UBAC2: variants seen among roughly 807,000 people sequenced by gnomAD.
UBAC2 encodes ubiquitin-associated domain-containing protein 2.
In UBAC2, 26 loss-of-function variants were observed where a neutral mutation model predicts 44.0. The ratio of observed to expected loss-of-function variants is 0.59; its 90% CI spans 0.43 to 0.82. UBAC2 has a LOEUF of 0.82. Among genes scored for constraint, UBAC2 ranks in the 40% least tolerant of loss-of-function variants. UBAC2 has a pLI of 0.00. For synonymous variants in UBAC2, 155 were observed against 154.3 expected, an observed-to-expected ratio of 1.00 and a Z score of -0.04; for missense variants, 329 against 419.4, an observed-to-expected ratio of 0.78 and a Z score of 1.88.
At chr13:99,201,218 A>G in intron 1 of UBAC2, 3 of 1,426,656 alleles carry the variant, frequency 2.1e-6, no homozygotes, top group East Asian at 2.5e-5. Flanking sequence ...GGGCCGCTGC[A>G]AGTGGGCAGG....
chr13:99,380,252 G>C (rs986955106), intron 8 of UBAC2, among the ~76,000 whole-genome samples: 2 of 152,164 alleles, frequency 1.3e-5, no homozygotes, highest in African/African-American at 4.8e-5. Context: ...TTGCTTACCT[G>C]ACTGCACGTC....
intron 7 of UBAC2, among the ~76,000 whole-genome samples, chr13:99,361,747 A>T (rs570160725): frequency 2.3e-4 from 35 of 152,248 alleles, no homozygotes; most frequent in African/African-American, 8.4e-4. Context: ...CCTCCTTCAC[A>T]TAACAACCAA....
Position 99,215,662 on chromosome 13 carries a change from T to C in UBAC2, c.31+14723T>C, listed in dbSNP as rs931378109. On this transcript the variant is annotated intron_variant, in intron 1 of 8. Transcript: ENST00000403766. The stretch of plus-strand genomic sequence containing the variant: ...GTCCTAGATTTCAGGTGTTGATGAA[T>C]ACAGCCCTCTGGGAACTGCAAGCCG... 2.8e-6 allele frequency: 4 copies of C among 1,440,684 alleles called. No individual in the cohort carries two copies. In the African/African-American group the frequency reaches 5.6e-5, roughly 20 times the overall value. The allele number at this position is 1,440,684 out of a possible 1,614,324, so 89.2% of individuals were successfully genotyped here. A position where few individuals can be genotyped will look rare whatever the true frequency, so the allele number is the denominator to read the frequency against.
At chr13:99,357,444 A>G (rs2045203674) in intron 7 of UBAC2, among the ~76,000 whole-genome samples, 1 of 152,232 alleles carries the variant, frequency 6.6e-6, no homozygotes, top group Non-Finnish European at 1.5e-5. Context: ...AACTCTTTTC[A>G]GGGCCATAGG....
chr13:99,277,907 A>G (rs567821864), intron 4 of UBAC2, among the ~76,000 whole-genome samples: 4 of 152,142 alleles, frequency 2.6e-5, no homozygotes, highest in Non-Finnish European at 5.9e-5. Context: ...CATCTGTAGG[A>G]ACATAACGTT....
chr13:99,311,057 G>A (rs986824266), intron 4 of UBAC2, among the ~76,000 whole-genome samples: 1 of 152,140 alleles, frequency 6.6e-6, no homozygotes, highest in Non-Finnish European at 1.5e-5. Flanking sequence ...TCTGCTGTAT[G>A]GTTTTACTGT....
intron 1 of UBAC2, among the ~76,000 whole-genome samples, chr13:99,232,399 G>GAGATATATATATATATATATATATATAT (rs1367302629): frequency 4.1e-4 from 45 of 109,962 alleles, no homozygotes; most frequent in East Asian, 2.4e-3. Flanking sequence ...TTAGTTGAGA[G>GAGATATATATATATATATATATATATAT]ATATAGATAT....
At chr13:99,272,038 C>T (rs2043822264) in intron 4 of UBAC2, among the ~76,000 whole-genome samples, 1 of 152,162 alleles carries the variant, frequency 6.6e-6, no homozygotes, top group South Asian at 2.1e-4. Flanking sequence ...GTTGTTTCAG[C>T]AGACTATAAA....
intron 4 of UBAC2, among the ~76,000 whole-genome samples, chr13:99,288,797 A>G (rs1041115141): frequency 6.6e-6 from 1 of 152,178 alleles, no homozygotes. Context: ...AATAATATCA[A>G]CCTCTTACCA....
intron 4 of UBAC2, chr13:99,258,026 A>C (rs1409771017): frequency 6.6e-6 from 1 of 152,200 alleles, no homozygotes; most frequent in East Asian, 1.9e-4. Context: ...TGGCCTCCCA[A>C]AGTGTTGGAG....
chr13:99,357,817 A>T (rs1192279811), intron 7 of UBAC2, among the ~76,000 whole-genome samples: 4 of 152,166 alleles, frequency 2.6e-5, no homozygotes, highest in African/African-American at 9.7e-5. Flanking sequence ...TCATATCCCA[A>T]CTAACTACAG....
At chr13:99,313,386 C>T (rs2044441601) in intron 4 of UBAC2, 1 of 152,122 alleles carries the variant, frequency 6.6e-6, no homozygotes. Flanking sequence ...AGAAGCAAGA[C>T]TGTAAGTAGA....
At chr13:99,303,712 G>A (rs1039838816) in intron 4 of UBAC2, among the ~76,000 whole-genome samples, 3 of 152,112 alleles carry the variant, frequency 2.0e-5, no homozygotes, top group Non-Finnish European at 4.4e-5. Flanking sequence ...GAAATAATAT[G>A]TACCTTTTCT....
chr13:99,239,374 T>A (rs922798002), intron 2 of UBAC2, among the ~76,000 whole-genome samples: 1 of 152,346 alleles, frequency 6.6e-6, no homozygotes, highest in Admixed American at 6.5e-5. Flanking sequence ...TAGAATCACC[T>A]GAAAAAACTT....
intron 7 of UBAC2, among the ~76,000 whole-genome samples, chr13:99,353,902 G>T (rs760677889): frequency 6.6e-6 from 1 of 152,192 alleles, no homozygotes. Flanking sequence ...GTTGACAGAC[G>T]TGGTTTTGTG....
At chr13:99,261,379 GA>G (rs2043658715) in intron 4 of UBAC2, among the ~76,000 whole-genome samples, 1 of 152,226 alleles carries the variant, frequency 6.6e-6, no homozygotes, top group South Asian at 2.1e-4. Context: ...GGGTGTAGGG[GA>G]GATATGTTGA....
chr13:99,256,041 A>G (rs1455555534), intron 4 of UBAC2: 3 of 597,286 alleles, frequency 5.0e-6, no homozygotes, highest in Non-Finnish European at 8.6e-6. Flanking sequence ...TCAACTGGTT[A>G]ACTACTGAAC....
At chr13:99,253,169 A>G (rs1555323517) in intron 4 of UBAC2, among the ~76,000 whole-genome samples, 6 of 151,502 alleles carry the variant, frequency 4.0e-5, no homozygotes, top group Non-Finnish European at 2.9e-5. Context: ...TCATTTGACT[A>G]TTGAAACTAA....
intron 2 of UBAC2, among the ~76,000 whole-genome samples, chr13:99,242,429 C>G (rs2043316722): frequency 6.8e-6 from 1 of 146,022 alleles, no homozygotes; most frequent in African/African-American, 2.5e-5. Flanking sequence ...CCTCACCTCC[C>G]AGACGGGGCG....
Sources: allele counts gnomAD v4.1 joint callset (sites outside exome capture counted in the v4.1 genomes callset), GRCh38; gene constraint gnomAD v4.1.1; transcripts MANE v1.5; gene names NCBI Gene and HGNC (gene_info 2026-07-23, HGNC 2026-07-21).